Variants in ASXL3 observed in about 807,000 individuals in gnomAD.
ASXL3 encodes putative Polycomb group protein ASXL3.
ASXL3 carries 34 observed loss-of-function variants against 170.6 expected under a neutral mutation model. The ratio of observed to expected loss-of-function variants is 0.20; its 90% CI spans 0.15 to 0.27. ASXL3 has a LOEUF of 0.27. ASXL3 is among the 10% of genes least tolerant of loss of function. The pLI, the probability that ASXL3 is intolerant of heterozygous loss-of-function variation, is 1.00. For synonymous variants in ASXL3, 1,002 were observed against 989.1 expected, an observed-to-expected ratio of 1.01 and a Z score of -0.24; for missense variants, 2,592 against 2,695.3, an observed-to-expected ratio of 0.96 and a Z score of 0.85.
At chr18:33,656,847 T>TA (rs1250564465) in intron 4 of ASXL3, among the ~76,000 whole-genome samples, 1 of 152,100 alleles carries the variant, frequency 6.6e-6, no homozygotes, top group African/African-American at 2.4e-5. Context: ...TACTTTTTCA[T>TA]AAAAAATAGC....
Position 33,646,237 on chromosome 18 carries a change from T to C in ASXL3, c.247-8T>C. 1.2e-6 allele frequency: 2 copies of C among 1,606,982 alleles called. No homozygotes were observed. Among genetic ancestry groups the C allele is most frequent in the Non-Finnish European group, 1.7e-6 (2 of 1,175,426 alleles). On this transcript the variant is annotated splice_region_variant and splice_polypyrimidine_tract_variant and intron_variant, in intron 3 of 11. Coordinates refer to ENST00000269197, the MANE Select transcript of ASXL3 (RefSeq NM_030632.3). ...CTCCATAAATCATCACTTTTCAAAATAATACAGAAAGAGGAGTCGTCATGC... is the reference window on the plus strand; with the variant it reads ...CTCCATAAATCATCACTTTTCAAAACAATACAGAAAGAGGAGTCGTCATGC...
In ASXL3 at chr18:33,586,151, T is replaced by C. The variant is rs191559573; in HGVS notation, c.54+7466T>C. Among the ~76,000 whole-genome samples the C allele has an allele frequency of 1.3e-3, 200 of 152,306 alleles. 1 individual carries two copies. The highest frequency in any genetic ancestry group is 2.0e-3 in the Non-Finnish European group (134 of 68,018). ...GAAACTGAAATTGGATCTTTGGGTT[T>C]GTTTTCCAGCTCGGTCATAGAGAGT... On this transcript the variant is annotated intron_variant, in intron 1 of 11. Transcript: ENST00000269197.
chr18:33,722,630 A>G (rs970567421), intron 8 of ASXL3, among the ~76,000 whole-genome samples: 5 of 152,196 alleles, frequency 3.3e-5, no homozygotes, highest in Admixed American at 3.3e-4. Flanking sequence ...AGCCATCTCT[A>G]TAACCTAAAA....
chr18:33,669,191 A>G (rs780285704), intron 5 of ASXL3, among the ~76,000 whole-genome samples: 6 of 152,198 alleles, frequency 3.9e-5, no homozygotes, highest in Non-Finnish European at 8.8e-5. Context: ...TGCAAAATTT[A>G]TGTGCAATTA....
intron 10 of ASXL3, among the ~76,000 whole-genome samples, chr18:33,737,592 C>T (rs532557381): frequency 2.6e-5 from 4 of 152,212 alleles, no homozygotes; most frequent in South Asian, 2.1e-4. Context: ...GTACCTATCA[C>T]GTATGGAATA....
At chr18:33,678,662 C>T (rs2066468315) in intron 7 of ASXL3, among the ~76,000 whole-genome samples, 2 of 152,198 alleles carry the variant, frequency 1.3e-5, no homozygotes, top group African/African-American at 4.8e-5. Flanking sequence ...ACCTCAGACC[C>T]TCTAGGCTAA....
Position 33,743,984 on chromosome 18 carries a change from G to C in ASXL3, c.4136G>C (p.Ser1379Thr), listed in dbSNP as rs373037204. The change falls in exon 12 of 12, where the codon AGT (serine) becomes ACT (threonine). Residue 1379 changes from serine to threonine, a missense_variant. By Grantham distance (58) the Ser-to-Thr change is moderately conservative. Transcript: ENST00000269197. ...FPSEKIAIPG[S>T]EEQATVSMGT... ...TCTGAGAAGATAGCCATACCTGGGAGTGAAGAACAGGCCACTGTATCCATG... is the reference window on the plus strand; with the variant it reads ...TCTGAGAAGATAGCCATACCTGGGACTGAAGAACAGGCCACTGTATCCATG... 3.7e-6 allele frequency: 6 copies of C among 1,614,038 alleles called. No homozygotes were observed. Among genetic ancestry groups the C allele is most frequent in the Non-Finnish European group, 4.2e-6 (5 of 1,179,902 alleles).
chr18:33,726,352 C>G (rs1440832222), intron 8 of ASXL3, among the ~76,000 whole-genome samples: 1 of 152,076 alleles, frequency 6.6e-6, no homozygotes, highest in African/African-American at 2.4e-5. Context: ...ATTGTAAACC[C>G]TATATACTAG....
chr18:33,744,535 C>T lies in ASXL3; in HGVS notation c.4687C>T (p.Pro1563Ser). ...CACCTGCACAAGTCTCCGAGAATTA[C>T]CCCTTGTTCCAGATAAATTAAATGA... is the stretch of plus-strand genomic sequence containing the variant. Reference protein sequence around the residue: ...PATCTSLRELPLVPDKLNEPT... With the variant: ...PATCTSLRELSLVPDKLNEPT... Residue 1563 changes from proline (P) to serine (S), a missense_variant, in exon 12 of 12, where the codon CCC becomes TCC. Physicochemically the swap from Pro to Ser is moderately conservative, Grantham distance 74. Around this residue, in one of 4 missense-constraint regions of ASXL3, gnomAD observed 2,246 missense variants for 2,219.6 expected, o/e 1.01. Transcript: ENST00000269197. 8 of 1,612,126 alleles carry T rather than the reference C, an allele frequency of 5.0e-6. No individual in the cohort carries two copies. In the Middle Eastern group the frequency reaches 1.2e-3, roughly 233 times the overall value.
chr18:33,625,313 A>G (rs2065585665), intron 2 of ASXL3, among the ~76,000 whole-genome samples: 1 of 152,126 alleles, frequency 6.6e-6, no homozygotes, highest in African/African-American at 2.4e-5. Context: ...TTACTTAGAC[A>G]TCTTTAGCCA....
Position 33,667,606 on chromosome 18 carries a change from A to G in ASXL3, c.478-3067A>G, listed in dbSNP as rs959085390. On this transcript the variant is annotated intron_variant, in intron 5 of 11. Coordinates refer to ENST00000269197, the MANE Select transcript of ASXL3 (RefSeq NM_030632.3). Reference sequence around the variant, plus strand: ...TTTTTTACTTATTGGAGACTCCACAATTTTCACGCAACCACTTTCTTCTTG... The same window carrying G: ...TTTTTTACTTATTGGAGACTCCACAGTTTTCACGCAACCACTTTCTTCTTG... Among the ~76,000 whole-genome samples, 3 of 152,030 alleles carry G rather than the reference A, an allele frequency of 2.0e-5. No individual in the cohort carries two copies. In the East Asian group the frequency reaches 5.8e-4, roughly 30 times the overall value.
intron 2 of ASXL3, among the ~76,000 whole-genome samples, chr18:33,612,585 T>C (rs1317205601): frequency 6.6e-6 from 1 of 152,132 alleles, no homozygotes; most frequent in African/African-American, 2.4e-5. Context: ...TTTTGCGGTC[T>C]CTGTTATGAT....
intron 7 of ASXL3, among the ~76,000 whole-genome samples, chr18:33,676,085 A>G (rs934422921): frequency 6.6e-5 from 10 of 151,574 alleles, no homozygotes; most frequent in East Asian, 5.9e-4. Context: ...TTAGCTGGGT[A>G]TGGTGGCAGG....
chr18:33,584,550 A>G (rs1392237704), intron 1 of ASXL3, among the ~76,000 whole-genome samples: 1 of 152,170 alleles, frequency 6.6e-6, no homozygotes, highest in Non-Finnish European at 1.5e-5. Context: ...TCATTACTTG[A>G]TACTAAAGAA....
At chr18:33,583,501 C>T (rs1464057934) in intron 1 of ASXL3, among the ~76,000 whole-genome samples, 6 of 152,028 alleles carry the variant, frequency 3.9e-5, no homozygotes, top group Non-Finnish European at 8.8e-5. Flanking sequence ...TTCTGTTTTA[C>T]AGTTTGAAAG....
intron 2 of ASXL3, among the ~76,000 whole-genome samples, chr18:33,619,660 T>G (rs1237657504): frequency 6.6e-6 from 1 of 152,092 alleles, no homozygotes; most frequent in East Asian, 1.9e-4. Context: ...ATGGGAGAAC[T>G]AAAGACTTCA....
intron 5 of ASXL3, among the ~76,000 whole-genome samples, chr18:33,666,913 C>T (rs9960972): frequency 3.3e-5 from 5 of 152,158 alleles, no homozygotes; most frequent in African/African-American, 9.7e-5. Flanking sequence ...GACAAGGATG[C>T]TGACTGTGCT....
intron 2 of ASXL3, chr18:33,614,292 G>A (rs2065384204): frequency 6.6e-6 from 1 of 152,114 alleles, no homozygotes; most frequent in South Asian, 2.1e-4. Flanking sequence ...CACCAGAAGA[G>A]GATTTTATCT....
At chr18:33,620,981 T>C (rs2065503435) in intron 2 of ASXL3, among the ~76,000 whole-genome samples, 1 of 152,172 alleles carries the variant, frequency 6.6e-6, no homozygotes, top group African/African-American at 2.4e-5. Context: ...TGTTGTTTAT[T>C]ACTATCCCAA....
Sources: allele counts gnomAD v4.1 joint callset (sites outside exome capture counted in the v4.1 genomes callset), GRCh38; gene constraint gnomAD v4.1.1; regional missense constraint gnomAD v4.1.1; transcripts MANE v1.5; gene names NCBI Gene and HGNC (gene_info 2026-07-23, HGNC 2026-07-21).